TAS2R1: variants seen among roughly 807,000 people sequenced by gnomAD.
The protein encoded by TAS2R1 is taste 2 receptor member 1, also known as taste receptor type 2 member 1.
For missense variants in TAS2R1, 370 were observed against 353.4 expected, an observed-to-expected ratio of 1.05 and a Z score of -0.38; for synonymous variants, 141 against 134.2, an observed-to-expected ratio of 1.05 and a Z score of -0.35.
At chr5:9,715,814 C>T (rs978737631), upstream of TAS2R1, among the ~76,000 whole-genome samples, 6 of 152,194 alleles carry the variant, frequency 3.9e-5, no homozygotes, top group African/African-American at 1.2e-4. Flanking sequence ...AGGCTATGAA[C>T]GAATCTCCCT....
chr5:9,739,423 A>C, the TAS2R1 span, among the ~76,000 whole-genome samples: 3 of 152,232 alleles, frequency 2.0e-5, no homozygotes, highest in Non-Finnish European at 2.9e-5. Context: ...CCCAAACTAC[A>C]TTCCAGACTC....
the TAS2R1 span, among the ~76,000 whole-genome samples, chr5:9,867,667 C>T: frequency 1.3e-5 from 2 of 152,028 alleles, no homozygotes; most frequent in East Asian, 1.9e-4. Context: ...AAATCTTATG[C>T]CCTCACATTT....
chr5:9,729,750 G>A, the TAS2R1 span, among the ~76,000 whole-genome samples: 1 of 152,044 alleles, frequency 6.6e-6, no homozygotes, highest in East Asian at 1.9e-4. Context: ...CATCCTCAAC[G>A]ACTTAATTGA....
chr5:9,789,906 TA>T, the TAS2R1 span, among the ~76,000 whole-genome samples: 2 of 152,188 alleles, frequency 1.3e-5, no homozygotes, highest in African/African-American at 2.4e-5. Context: ...CAGTCCAGAA[TA>T]AAAGAACAGC....
intron 1 of TAS2R1, among the ~76,000 whole-genome samples, chr5:9,681,489 C>A: frequency 7.1e-6 from 1 of 141,090 alleles, no homozygotes; most frequent in Admixed American, 7.8e-5. Flanking sequence ...CCCTTTCCAA[C>A]TCACACCTGT....
the TAS2R1 span, among the ~76,000 whole-genome samples, chr5:9,890,887 C>G: frequency 6.6e-6 from 1 of 152,178 alleles, no homozygotes; most frequent in African/African-American, 2.4e-5. Flanking sequence ...AAGTGGATTA[C>G]TGGAGGTTTG....
At chr5:9,786,282 T>C in the TAS2R1 span, among the ~76,000 whole-genome samples, 8 of 152,218 alleles carry the variant, frequency 5.3e-5, no homozygotes, top group African/African-American at 1.9e-4. Context: ...TGAGAGCATA[T>C]TTCCTAGGAA....
intron 1 of TAS2R1, among the ~76,000 whole-genome samples, chr5:9,662,170 C>T (rs971558445): frequency 1.3e-5 from 2 of 152,098 alleles, no homozygotes; most frequent in Non-Finnish European, 2.9e-5. Flanking sequence ...TAATTCCAAA[C>T]GGGTAGAGAA....
chr5:9,903,734 TGGA>T, the TAS2R1 span: 1 of 152,112 alleles, frequency 6.6e-6, no homozygotes, highest in Non-Finnish European at 1.5e-5. Flanking sequence ...CCTGCTCTGG[TGGA>T]GGGGAGTTAA....
At chr5:9,881,873 A>T in the TAS2R1 span, among the ~76,000 whole-genome samples, 1 of 152,250 alleles carries the variant, frequency 6.6e-6, no homozygotes, top group Admixed American at 6.5e-5. Flanking sequence ...TGGATTAAAG[A>T]CTTAAATGTA....
At chr5:9,758,103 T>A in the TAS2R1 span, among the ~76,000 whole-genome samples, 1 of 152,200 alleles carries the variant, frequency 6.6e-6, no homozygotes, top group Non-Finnish European at 1.5e-5. Context: ...AGCACATTTT[T>A]AAAAGTCTAG....
chr5:9,725,768 A>C, the TAS2R1 span, among the ~76,000 whole-genome samples: 1 of 152,220 alleles, frequency 6.6e-6, no homozygotes, highest in Non-Finnish European at 1.5e-5. Flanking sequence ...TGCGGGATCC[A>C]CTGGGTGAAG....
the TAS2R1 span, chr5:9,889,725 A>T: frequency 6.6e-6 from 1 of 152,194 alleles, no homozygotes; most frequent in Non-Finnish European, 1.5e-5. Context: ...GCCTCACAGG[A>T]CTGGGTCAGA....
rs1294465406 is a variant in TAS2R1 at position 9,627,855 on chromosome 5, C to A, written c.*1278G>T. ...GTACACTCAGAGCTTAGTTCCCATG[C>A]CCAAGAAGATAAGTACGTCCCTGAA... is the stretch of plus-strand genomic sequence containing the variant. On this transcript the variant is annotated 3_prime_UTR_variant, in exon 1 of 1. Coordinates refer to ENST00000382492, the MANE Select transcript of TAS2R1 (RefSeq NM_019599.3). Among the ~76,000 whole-genome samples, 1 of 152,140 alleles carries A rather than the reference C, an allele frequency of 6.6e-6. No individual in the cohort carries two copies. Among genetic ancestry groups the A allele is most frequent in the Non-Finnish European group, 1.5e-5 (1 of 68,036 alleles).
At chr5:9,793,448 C>G in the TAS2R1 span, among the ~76,000 whole-genome samples, 7 of 152,054 alleles carry the variant, frequency 4.6e-5, no homozygotes, top group Non-Finnish European at 7.4e-5. Context: ...ATAGAGGAAA[C>G]CAAATACAGT....
the TAS2R1 span, among the ~76,000 whole-genome samples, chr5:9,813,389 A>C: frequency 2.6e-5 from 4 of 152,262 alleles, no homozygotes; most frequent in South Asian, 8.3e-4. Flanking sequence ...TAAAGAAACC[A>C]CTTCGAGGTC....
the TAS2R1 span, among the ~76,000 whole-genome samples, chr5:9,784,617 A>C: frequency 1.3e-5 from 2 of 152,222 alleles, no homozygotes; most frequent in Non-Finnish European, 2.9e-5. Context: ...CAGAGCTCAC[A>C]AAAGAAATGT....
At chr5:9,695,009 C>T (rs1348342493) in intron 1 of TAS2R1, among the ~76,000 whole-genome samples, 1 of 152,146 alleles carries the variant, frequency 6.6e-6, no homozygotes, top group Non-Finnish European at 1.5e-5. Flanking sequence ...TAGCATTAAC[C>T]ACCTGGGTCA....
chr5:9,652,241 T>C (rs1740320925), intron 2 of TAS2R1, among the ~76,000 whole-genome samples: 1 of 152,222 alleles, frequency 6.6e-6, no homozygotes, highest in South Asian at 2.1e-4. Flanking sequence ...AATACGCTCT[T>C]AGTGGGACCC....
Sources: gnomAD v4.1 joint callset for allele counts (sites outside exome capture counted in the v4.1 genomes callset) on GRCh38, gnomAD v4.1.1 for gene constraint, MANE v1.5 for transcripts, NCBI Gene and HGNC (gene_info 2026-07-23, HGNC 2026-07-21) for gene names.